RYR3: variants seen among roughly 807,000 people sequenced by gnomAD.
RYR3 encodes brain ryanodine receptor-calcium release channel.
A neutral mutation model predicts 584.3 loss-of-function variants in RYR3; 207 were observed. The ratio of observed to expected loss-of-function variants is 0.35; its 90% CI spans 0.32 to 0.40. The LOEUF (loss-of-function observed/expected upper bound fraction) is 0.40. Among genes scored for constraint, RYR3 ranks in the 10% least tolerant of loss-of-function variants. The pLI is 1.00. For synonymous variants in RYR3, 2,416 were observed against 2,248.5 expected, an observed-to-expected ratio of 1.07 and a Z score of -2.11; for missense variants, 5,616 against 6,089.2, an observed-to-expected ratio of 0.92 and a Z score of 2.59.
chr15:33,652,683 C>T (rs1413341562), intron 31 of RYR3, 35 bp from the exon 32 acceptor site: 2 of 1,604,406 alleles, frequency 1.2e-6, no homozygotes, highest in Non-Finnish European at 1.7e-6. Context: ...CTGCCCCAGT[C>T]CAGATTCTGT....
chr15:33,683,298 G>A (rs993239102), intron 38 of RYR3, among the ~76,000 whole-genome samples: 1 of 151,974 alleles, frequency 6.6e-6, no homozygotes, highest in Non-Finnish European at 1.5e-5. Context: ...CCAGCCGAGA[G>A]TCATGTTTCT....
At chr15:33,339,058 C>T (rs528848934) in intron 1 of RYR3, among the ~76,000 whole-genome samples, 2 of 152,172 alleles carry the variant, frequency 1.3e-5, no homozygotes, top group African/African-American at 2.4e-5. Flanking sequence ...TTTCTTATAT[C>T]GGTGGTTGGA....
At chr15:33,376,629 T>C (rs1427937570) in intron 1 of RYR3, among the ~76,000 whole-genome samples, 1 of 152,200 alleles carries the variant, frequency 6.6e-6, no homozygotes, top group Non-Finnish European at 1.5e-5. Context: ...AGCCAACACT[T>C]GCAGCGGCGG....
chr15:33,571,337 AT>A (rs943205398), intron 12 of RYR3, among the ~76,000 whole-genome samples: 1 of 152,160 alleles, frequency 6.6e-6, no homozygotes, highest in African/African-American at 2.4e-5. Context: ...GTCTATCGAT[AT>A]GATCATATAG....
chr15:33,635,914 C>A, intron 26 of RYR3, 95 bp downstream of exon 26: 1 of 1,062,290 alleles, frequency 9.4e-7, no homozygotes, highest in South Asian at 1.4e-5. Context: ...TCTCTGGCTT[C>A]AAAGTGAGTG....
intron 38 of RYR3, among the ~76,000 whole-genome samples, chr15:33,685,276 A>G (rs1165061838): frequency 2.0e-5 from 3 of 152,146 alleles, no homozygotes; most frequent in Non-Finnish European, 4.4e-5. Flanking sequence ...GGAAAGCAAT[A>G]AAAAGCAGGG....
chr15:33,796,553 T>C, intron 67 of RYR3, among the ~76,000 whole-genome samples: 1 of 152,246 alleles, frequency 6.6e-6, no homozygotes, highest in East Asian at 1.9e-4. Context: ...CCACTTGGGT[T>C]GCTGCTGCTC....
At chr15:33,769,869 A>G (rs12592850) in intron 62 of RYR3, among the ~76,000 whole-genome samples, 30,986 of 152,026 alleles carry the variant, frequency 0.2, 3,229 homozygotes, top group South Asian at 0.24. Context: ...GGATGGCTTG[A>G]GCCCAGGAGG....
At chr15:33,457,330 A>G (rs527513813) in intron 1 of RYR3, among the ~76,000 whole-genome samples, 2 of 152,346 alleles carry the variant, frequency 1.3e-5, no homozygotes, top group East Asian at 1.9e-4. Context: ...AATAGCCAAG[A>G]TATAGAATCA....
intron 38 of RYR3, among the ~76,000 whole-genome samples, chr15:33,695,235 C>A (rs2065754578): frequency 6.6e-6 from 1 of 152,202 alleles, no homozygotes; most frequent in African/African-American, 2.4e-5. Context: ...CTGTCATCTT[C>A]TGGAAGTGTG....
intron 60 of RYR3, among the ~76,000 whole-genome samples, chr15:33,766,697 A>G (rs1267874272): frequency 1.3e-5 from 2 of 152,244 alleles, no homozygotes; most frequent in African/African-American, 4.8e-5. Context: ...GCCCTCCCAC[A>G]GAAGCAGTCG....
intron 94 of RYR3, chr15:33,849,331 A>T (rs1204982188): frequency 6.6e-6 from 1 of 152,204 alleles, no homozygotes; most frequent in African/African-American, 2.4e-5. Context: ...CAGGCAGGTG[A>T]CACCAAGGCT....
In RYR3 at chr15:33,689,438, C is replaced by G. The variant is rs1347164581; in HGVS notation, c.5861-6780C>G. Among the ~76,000 whole-genome samples the G allele has an allele frequency of 2.0e-5, 3 of 152,254 alleles. No homozygotes were observed. In the East Asian group the frequency reaches 5.8e-4, roughly 29 times the overall value. On this transcript the variant is annotated intron_variant, in intron 38 of 103. Transcript: ENST00000634891. ...ATATATATATGTACACACACATGCA[C>G]ACATACACACAGATGCACACACACA...
chr15:33,511,140 TGTTA>T (rs1178494949), intron 3 of RYR3, among the ~76,000 whole-genome samples: 3 of 152,050 alleles, frequency 2.0e-5, no homozygotes, highest in South Asian at 2.1e-4. Context: ...TTTTTTTAAA[TGTTA>T]GTTATAAAAA....
chr15:33,597,175 A>G (rs570274044), intron 16 of RYR3, among the ~76,000 whole-genome samples: 48 of 152,340 alleles, frequency 3.2e-4, no homozygotes, highest in African/African-American at 9.1e-4. Flanking sequence ...TGTAACCCCT[A>G]TGCCAAATTT....
At position 33,772,162 on chromosome 15, in the gene RYR3, A is replaced by G; in HGVS notation, c.9055+4A>G. The stretch of plus-strand genomic sequence containing the variant: ...CAGTTTGGAATGGATCTACTCTGTG[A>G]GTTCTACTGGTATTTGTCGTGGATG... On this transcript the variant is annotated splice_donor_region_variant and intron_variant, in intron 63 of 103. Coordinates refer to ENST00000634891, the MANE Select transcript of RYR3 (RefSeq NM_001036.6). The G allele has an allele frequency of 6.3e-7, 1 of 1,586,028 alleles. No homozygotes were observed. Among genetic ancestry groups the G allele is most frequent in the Middle Eastern group, 1.7e-4 (1 of 6,018 alleles).
At position 33,695,988 on chromosome 15, in the gene RYR3, T is replaced by C. The variant is rs534090624; in HGVS notation, c.5861-230T>C. Reference sequence around the variant, plus strand: ...TTTTTTTTTTTTGGTAGCAACAGGGTCTCGCTTTGTGGCCCAGGCTGGTCT... The same window carrying C: ...TTTTTTTTTTTTGGTAGCAACAGGGCCTCGCTTTGTGGCCCAGGCTGGTCT... On this transcript the variant is annotated intron_variant, in intron 38 of 103. Transcript: ENST00000634891. Among the ~76,000 whole-genome samples, 545 of 129,616 alleles carry C rather than the reference T, an allele frequency of 4.2e-3. 4 individuals carry two copies. The highest frequency in any genetic ancestry group is 0.015 in the African/African-American group (514 of 33,698). 85.0% of individuals were successfully genotyped at this position (129,616 alleles called of 152,430 possible).
intron 32 of RYR3, among the ~76,000 whole-genome samples, chr15:33,656,025 A>C (rs1015578260): frequency 3.3e-5 from 5 of 152,234 alleles, no homozygotes; most frequent in Admixed American, 3.3e-4. Flanking sequence ...TAATATAATC[A>C]GTGGCGAATT....
chr15:33,415,042 TG>T (rs1329056210), intron 1 of RYR3, among the ~76,000 whole-genome samples: 15 of 152,242 alleles, frequency 9.9e-5, no homozygotes, highest in Non-Finnish European at 2.1e-4. Flanking sequence ...TGGCCATATG[TG>T]GCTGTTGAGC....
Sources: gnomAD v4.1 joint callset for allele counts (sites outside exome capture counted in the v4.1 genomes callset) on GRCh38, gnomAD v4.1.1 for gene constraint, MANE v1.5 for transcripts, NCBI Gene and HGNC (gene_info 2026-07-23, HGNC 2026-07-21) for gene names.